Variants in MINDY3 observed in about 807,000 individuals in gnomAD.
The protein encoded by MINDY3 is ubiquitin carboxyl-terminal hydrolase MINDY-3.
MINDY3 carries 38 observed loss-of-function variants against 69.2 expected under a neutral mutation model. That is an observed-to-expected ratio of 0.55 (90% confidence interval 0.42 to 0.72). MINDY3 has a LOEUF of 0.72. Among genes scored for constraint, MINDY3 ranks in the 30% least tolerant of loss-of-function variants. The pLI is 0.00. For missense variants in MINDY3, 522 were observed against 519.0 expected (o/e 1.01, Z -0.06); for synonymous variants, 192 against 180.1 (o/e 1.07, Z -0.53).
intron 11 of MINDY3, among the ~76,000 whole-genome samples, chr10:15,791,057 T>G: frequency 6.6e-6 from 1 of 152,120 alleles, no homozygotes; most frequent in Admixed American, 6.6e-5. Context: ...GCTATGAGAT[T>G]TACAACTCAT....
chr10:15,796,307 A>G (rs1246978505), intron 10 of MINDY3, 135 bp from the exon 11 acceptor site: 5 of 686,106 alleles, frequency 7.3e-6, no homozygotes, highest in Non-Finnish European at 1.0e-5. Context: ...TAGATGTGTA[A>G]CGAGATAGGT....
chr10:15,817,461 G>C (rs116710852), intron 9 of MINDY3: 3 of 152,346 alleles, frequency 2.0e-5, no homozygotes. Context: ...AAGTTTCACA[G>C]TATGAACAGT....
At chr10:15,837,558 T>C (rs2132073543) in intron 5 of MINDY3, 2 of 1,411,758 alleles carry the variant, frequency 1.4e-6, no homozygotes, top group Admixed American at 2.1e-5. Context: ...GGGAACCTCT[T>C]CATCTCTTAG....
At chr10:15,811,965 G>A (rs924040205) in intron 10 of MINDY3, among the ~76,000 whole-genome samples, 1 of 151,026 alleles carries the variant, frequency 6.6e-6, no homozygotes, top group Admixed American at 6.6e-5. Flanking sequence ...TTTTTGAGAT[G>A]GAGTCTTGCT....
At position 15,837,250 on chromosome 10, in the gene MINDY3, T is replaced by C. The variant is rs754924301; in HGVS notation, c.530A>G (p.Asn177Ser). ...AVLDQYSMWGNKFGVLLFLYS... is the reference protein window; with the variant it reads ...AVLDQYSMWGSKFGVLLFLYS... ...CAGAAAAAGCAATACTCCAAATTTA[T>C]TTCCCCACATTGAATACTGGTCCAA... The change falls in exon 6 of 15, where the codon AAT (asparagine) becomes AGT (serine). Residue 177 changes from asparagine to serine, a missense_variant. Coordinates refer to ENST00000277632, the MANE Select transcript of MINDY3 (RefSeq NM_024948.4). 6.2e-6 allele frequency: 10 copies of C among 1,608,384 alleles called. No individual in the cohort carries two copies. The East Asian group carries it at 1.8e-4, about 29-fold the overall frequency.
chr10:15,837,654 C>T, intron 5 of MINDY3: 1 of 1,164,660 alleles, frequency 8.6e-7, no homozygotes. Flanking sequence ...GGGGTAAACA[C>T]AAAGAAAACT....
At chr10:15,789,222 A>G in intron 12 of MINDY3, 25 bp downstream of exon 12, 1 of 1,582,932 alleles carries the variant, frequency 6.3e-7, no homozygotes. Flanking sequence ...TGAGTTGGCT[A>G]AATAACACTT....
chr10:15,835,373 C>A (rs1485052648), intron 6 of MINDY3, among the ~76,000 whole-genome samples: 3 of 152,054 alleles, frequency 2.0e-5, no homozygotes, highest in African/African-American at 4.8e-5. Flanking sequence ...TATTAGAGGT[C>A]ATTTCTAAGA....
At chr10:15,796,227 G>T in intron 10 of MINDY3, 55 bp from the exon 11 acceptor site, 2 of 1,369,704 alleles carry the variant, frequency 1.5e-6, no homozygotes, top group Non-Finnish European at 2.1e-6. Flanking sequence ...ACATTAAAAA[G>T]AAAACAGATA....
chr10:15,819,638 T>G (rs1400658954), intron 9 of MINDY3, among the ~76,000 whole-genome samples: 4 of 152,186 alleles, frequency 2.6e-5, no homozygotes, highest in African/African-American at 9.6e-5. Context: ...GGCTCCAGCT[T>G]GCTGTACCCC....
intron 8 of MINDY3, among the ~76,000 whole-genome samples, chr10:15,824,598 C>T (rs560950045): frequency 6.6e-6 from 1 of 152,242 alleles, no homozygotes; most frequent in Admixed American, 6.5e-5. Context: ...TCTTCGCAAA[C>T]TTTTCTCTCC....
chr10:15,831,456 T>C (rs1381032412), intron 8 of MINDY3, among the ~76,000 whole-genome samples: 1 of 152,192 alleles, frequency 6.6e-6, no homozygotes, highest in Non-Finnish European at 1.5e-5. Flanking sequence ...CCAATTTTCT[T>C]TTCCAAGTTA....
chr10:15,834,514 TGAG>T, intron 7 of MINDY3, 26 bp downstream of exon 7: 1 of 1,510,928 alleles, frequency 6.6e-7, no homozygotes. Flanking sequence ...GGAGTTCACA[TGAG>T]GAGACAAGAG....
At chr10:15,779,481 A>G (rs901108779) in intron 14 of MINDY3, among the ~76,000 whole-genome samples, 3 of 152,224 alleles carry the variant, frequency 2.0e-5, no homozygotes, top group Non-Finnish European at 4.4e-5. Context: ...ATATTTACAT[A>G]TAATTTATAC....
At chr10:15,809,017 A>G (rs1371079218) in intron 10 of MINDY3, among the ~76,000 whole-genome samples, 1 of 152,214 alleles carries the variant, frequency 6.6e-6, no homozygotes, top group Non-Finnish European at 1.5e-5. Flanking sequence ...AATTCTAGTA[A>G]TATTTAAAGT....
intron 10 of MINDY3, among the ~76,000 whole-genome samples, chr10:15,809,677 T>G (rs1211128131): frequency 6.6e-6 from 1 of 152,140 alleles, no homozygotes; most frequent in Non-Finnish European, 1.5e-5. Context: ...TGCTGCTTGA[T>G]GACTCTGCAG....
intron 2 of MINDY3, 28 bp from the exon 3 acceptor site, chr10:15,843,300 G>C: frequency 3.9e-6 from 6 of 1,531,402 alleles, no homozygotes; most frequent in Non-Finnish European, 5.4e-6. Context: ...AATAATTAGT[G>C]AAATGCATTA....
rs768696203 is a variant in MINDY3 at position 15,816,918 on chromosome 10, A to G, written c.802-3T>C. On this transcript the variant is annotated splice_polypyrimidine_tract_variant and splice_region_variant and intron_variant, in intron 9 of 14. Transcript: ENST00000277632. ...GGAGATTTCAAGTAAGAACCAACCT[A>G]GAACAAATGTAGCAAAATAAAACAA... 2 of 1,605,672 alleles carry G rather than the reference A, an allele frequency of 1.2e-6. No individual in the cohort carries two copies. The highest frequency in any genetic ancestry group is 1.7e-6 in the Non-Finnish European group (2 of 1,173,598).
At chr10:15,819,030 C>T (rs1012592341) in intron 9 of MINDY3, among the ~76,000 whole-genome samples, 2 of 152,058 alleles carry the variant, frequency 1.3e-5, no homozygotes, top group Admixed American at 1.3e-4. Context: ...TCAAAAGTAG[C>T]CATAGCCACC....
Sources: allele counts gnomAD v4.1 joint callset (sites outside exome capture counted in the v4.1 genomes callset), GRCh38; gene constraint gnomAD v4.1.1; transcripts MANE v1.5; gene names NCBI Gene and HGNC (gene_info 2026-07-23, HGNC 2026-07-21).